WASF3: variants seen among roughly 807,000 people sequenced by gnomAD.
The protein encoded by WASF3 is WASP family member 3, also known as actin-binding protein WASF3.
In WASF3, 11 loss-of-function variants were observed where a neutral mutation model predicts 46.6. That is an observed-to-expected ratio of 0.24 (90% CI 0.15 to 0.39). The LOEUF (loss-of-function observed/expected upper bound fraction) is 0.39, where lower values mean the gene tolerates loss of function less well. Ranked by LOEUF, WASF3 falls within the 10% of genes least tolerant of loss-of-function variation. The pLI, the probability that WASF3 is intolerant of heterozygous loss-of-function variation, is 1.00. For synonymous variants in WASF3, 242 were observed against 259.7 expected, an observed-to-expected ratio of 0.93 and a Z score of 0.65; for missense variants, 576 against 669.8, an observed-to-expected ratio of 0.86 and a Z score of 1.55.
chr13:26,582,404 G>A (rs544630624), intron 1 of WASF3, among the ~76,000 whole-genome samples: 3 of 152,098 alleles, frequency 2.0e-5, no homozygotes, highest in East Asian at 3.9e-4. Context: ...GGCCGGGCAC[G>A]GTGGCTCACA....
At chr13:26,627,561 T>G (rs1393363237) in intron 2 of WASF3, among the ~76,000 whole-genome samples, 1 of 152,064 alleles carries the variant, frequency 6.6e-6, no homozygotes, top group African/African-American at 2.4e-5. Context: ...TACATTGGGG[T>G]GGGCTGGGGG....
rs1051809286 is a variant in WASF3 at position 26,559,396 on chromosome 13, T to A, written c.-109+1577T>A. ...TGAAGTTGCTTAATAGCATTTGTTTTTAAAAAATCTGTTTGCTTTAAAATT... is the reference window on the plus strand; with the variant it reads ...TGAAGTTGCTTAATAGCATTTGTTTATAAAAAATCTGTTTGCTTTAAAATT... On this transcript the variant is annotated intron_variant, in intron 1 of 9. Transcript: ENST00000335327. 2.0e-5 allele frequency among the ~76,000 whole-genome samples: 3 copies of A among 152,268 alleles called. No individual in the cohort carries two copies. In the South Asian group the frequency reaches 6.2e-4, roughly 31 times the overall value.
At chr13:26,651,468 A>G (rs1173942218) in intron 3 of WASF3, among the ~76,000 whole-genome samples, 3 of 152,252 alleles carry the variant, frequency 2.0e-5, no homozygotes, top group Admixed American at 6.5e-5. Flanking sequence ...CATCAGAAAC[A>G]TTGGACCAGA....
At chr13:26,676,445 G>T (rs887787710) in intron 6 of WASF3, 104 bp from the exon 7 acceptor site, 8 of 1,264,576 alleles carry the variant, frequency 6.3e-6, no homozygotes, top group Non-Finnish European at 8.8e-6. Context: ...AATGTGTCTT[G>T]TCTGTTCATC....
intron 1 of WASF3, among the ~76,000 whole-genome samples, chr13:26,562,857 T>TCTCCTCCCCTCCCCTCC (rs1555246649): frequency 7.2e-5 from 7 of 96,748 alleles, no homozygotes; most frequent in African/African-American, 2.2e-4. Flanking sequence ...CCCTCCCCTC[T>TCTCCTCCCCTCCCCTCC]CCTCCCCTCC....
At chr13:26,543,789 A>G in the WASF3 span, among the ~76,000 whole-genome samples, 62 of 152,304 alleles carry the variant, frequency 4.1e-4, 1 homozygote, top group African/African-American at 1.4e-3. Flanking sequence ...CCCCAGCCTC[A>G]CTAAGCTTGA....
intron 1 of WASF3, chr13:26,576,759 T>A (rs992096724): frequency 3.2e-5 from 10 of 313,660 alleles, no homozygotes; most frequent in Non-Finnish European, 4.6e-5. Context: ...AATAATAGAC[T>A]CATTGGAAAT....
chr13:26,678,400 G>A (rs1883127685), intron 7 of WASF3, among the ~76,000 whole-genome samples: 1 of 152,028 alleles, frequency 6.6e-6, no homozygotes, highest in Non-Finnish European at 1.5e-5. Flanking sequence ...ATGCATTTTA[G>A]TGTATTTCTC....
At chr13:26,577,735 C>A in intron 1 of WASF3, 2 of 712,096 alleles carry the variant, frequency 2.8e-6, no homozygotes, top group Non-Finnish European at 4.8e-6. Context: ...AAAAAAAAAT[C>A]AAAACCAGGA....
intron 3 of WASF3, among the ~76,000 whole-genome samples, chr13:26,659,132 CAT>C (rs952413534): frequency 1.3e-5 from 2 of 152,164 alleles, no homozygotes; most frequent in Admixed American, 6.5e-5. Flanking sequence ...TGTGTGATCA[CAT>C]GTGTGATGAG....
At chr13:26,541,896 ACT>A in the WASF3 span, among the ~76,000 whole-genome samples, 2 of 151,118 alleles carry the variant, frequency 1.3e-5, no homozygotes, top group Non-Finnish European at 3.0e-5. Flanking sequence ...TCCATCTGTC[ACT>A]CTGCACCACT....
At position 26,683,710 on chromosome 13, in the gene WASF3, A is replaced by G. The variant is rs115745345; in HGVS notation, c.1351+736A>G. Among the ~76,000 whole-genome samples the G allele has an allele frequency of 2.0e-3, 300 of 152,166 alleles. 2 individuals are homozygous for G. The highest frequency in any genetic ancestry group is 6.5e-3 in the African/African-American group (270 of 41,532). Reference sequence around the variant, plus strand: ...CTAAGCCAGTGGTTTTTCAGAATCTATAATATTCAACAGCATAACCCTTTT... The same window carrying G: ...CTAAGCCAGTGGTTTTTCAGAATCTGTAATATTCAACAGCATAACCCTTTT... On this transcript the variant is annotated intron_variant, in intron 9 of 9. Transcript: ENST00000335327.
At chr13:26,670,729 G>T (rs550122963) in intron 5 of WASF3, among the ~76,000 whole-genome samples, 2 of 152,226 alleles carry the variant, frequency 1.3e-5, no homozygotes, top group Non-Finnish European at 2.9e-5. Flanking sequence ...TATCATGCAG[G>T]TTGCCTATCA....
intron 1 of WASF3, among the ~76,000 whole-genome samples, chr13:26,608,380 T>C (rs2137216071): frequency 6.6e-6 from 1 of 152,354 alleles, no homozygotes; most frequent in African/African-American, 2.4e-5. Flanking sequence ...GTATAATTAA[T>C]ACAGTTTTAT....
At chr13:26,627,636 A>C (rs1300842538) in intron 2 of WASF3, among the ~76,000 whole-genome samples, 1 of 152,182 alleles carries the variant, frequency 6.6e-6, no homozygotes, top group Non-Finnish European at 1.5e-5. Flanking sequence ...AAGAATTCTT[A>C]AGAGAATCCT....
At chr13:26,685,129 A>G (rs1883363279) in intron 9 of WASF3, among the ~76,000 whole-genome samples, 1 of 152,034 alleles carries the variant, frequency 6.6e-6, no homozygotes, top group Non-Finnish European at 1.5e-5. Context: ...ATCATCAAAT[A>G]TCTTACTTTG....
chr13:26,598,217 T>C (rs1429668992), intron 1 of WASF3, among the ~76,000 whole-genome samples: 1 of 152,230 alleles, frequency 6.6e-6, no homozygotes, highest in Non-Finnish European at 1.5e-5. Context: ...TGATGGCCAG[T>C]GATGATGAGC....
At chr13:26,579,679 C>G (rs1174706258) in intron 1 of WASF3, among the ~76,000 whole-genome samples, 1 of 152,132 alleles carries the variant, frequency 6.6e-6, no homozygotes, top group Non-Finnish European at 1.5e-5. Flanking sequence ...CCCTGGACCC[C>G]CTCACCCAGT....
At chr13:26,559,807 TC>T (rs776750286) in intron 1 of WASF3, among the ~76,000 whole-genome samples, 4,995 of 52,726 alleles carry the variant, frequency 0.095, 380 homozygotes, top group Admixed American at 0.12. Context: ...TTTCTTTCTT[TC>T]TTTTTTTTTT....
Sources: gnomAD v4.1 joint callset for allele counts (sites outside exome capture counted in the v4.1 genomes callset) on GRCh38, gnomAD v4.1.1 for gene constraint, MANE v1.5 for transcripts, NCBI Gene and HGNC (gene_info 2026-07-23, HGNC 2026-07-21) for gene names.